Variants in CADPS observed in about 807,000 individuals in gnomAD.
The protein encoded by CADPS is calcium dependent secretion activator, also known as calcium-dependent secretion activator 1.
Under a neutral mutation model 167.3 loss-of-function variants are expected in CADPS, and 57 were observed. The ratio of observed to expected loss-of-function variants is 0.34; its 90% CI spans 0.28 to 0.42. CADPS has a LOEUF of 0.42. Ranked by LOEUF, CADPS falls within the 20% of genes least tolerant of loss-of-function variation. The pLI is 1.00. For missense variants in CADPS, 1,414 were observed against 1,738.1 expected (o/e 0.81, Z 3.32); for synonymous variants, 676 against 635.3 (o/e 1.06, Z -0.96).
chr3:62,831,044 C>T (rs1445426316), intron 1 of CADPS, among the ~76,000 whole-genome samples: 3 of 152,004 alleles, frequency 2.0e-5, no homozygotes, highest in Admixed American at 6.6e-5. Context: ...AGATTATAAC[C>T]CAGGAAATTT....
At chr3:62,567,818 G>A (rs962915309) in intron 9 of CADPS, among the ~76,000 whole-genome samples, 4 of 151,828 alleles carry the variant, frequency 2.6e-5, no homozygotes, top group South Asian at 4.2e-4. Flanking sequence ...CATGTGATCC[G>A]CCCTCCTCAG....
intron 21 of CADPS, among the ~76,000 whole-genome samples, chr3:62,490,759 C>G (rs2063561957): frequency 6.6e-6 from 1 of 152,122 alleles, no homozygotes; most frequent in South Asian, 2.1e-4. Flanking sequence ...AAAGGTGCAT[C>G]TAAAAGGCCT....
At chr3:62,457,049 T>G (rs528175800) in intron 26 of CADPS, among the ~76,000 whole-genome samples, 20 of 152,246 alleles carry the variant, frequency 1.3e-4, no homozygotes, top group African/African-American at 4.3e-4. Flanking sequence ...ATTTTTTTTT[T>G]AAACCTATCT....
chr3:62,405,722 C>G (rs1708241951), intron 28 of CADPS, among the ~76,000 whole-genome samples: 1 of 152,048 alleles, frequency 6.6e-6, no homozygotes, highest in South Asian at 2.1e-4. Flanking sequence ...TCACATCTAG[C>G]AAAAGAAGTG....
At chr3:62,404,236 G>C (rs1414877724) in intron 28 of CADPS, 4 of 152,552 alleles carry the variant, frequency 2.6e-5, no homozygotes, top group African/African-American at 9.7e-5. Flanking sequence ...ATGCAAAAAA[G>C]AAAGAAATGG....
chr3:62,537,018 A>G lies in CADPS; in HGVS notation c.1967-437T>C, dbSNP rs61389566. On this transcript the variant is annotated intron_variant, in intron 11 of 29. Transcript: ENST00000383710. ...TCTGCAATTATTGGGATTATCTGGAAAAAGGGTTATGCTGATTTTCAGCAA... is the reference window on the plus strand; with the variant it reads ...TCTGCAATTATTGGGATTATCTGGAGAAAGGGTTATGCTGATTTTCAGCAA... Among the ~76,000 whole-genome samples, 1,369 of 152,270 alleles carry G rather than the reference A, an allele frequency of 9.0e-3. 22 individuals are homozygous for G. Among genetic ancestry groups the G allele is most frequent in the African/African-American group, 0.031 (1,305 of 41,556 alleles).
intron 3 of CADPS, among the ~76,000 whole-genome samples, chr3:62,678,815 A>T (rs938104): frequency 0.98 from 149,716 of 152,088 alleles, 73,725 homozygotes; most frequent in Middle Eastern, 1. Context: ...AGACATAAAT[A>T]TTGGTGGAAC....
intron 3 of CADPS, among the ~76,000 whole-genome samples, chr3:62,687,752 T>G (rs2078336284): frequency 1.6e-5 from 2 of 128,854 alleles, no homozygotes. Flanking sequence ...TTTTTTTTTT[T>G]GCTTCTATCT....
At chr3:62,660,342 G>C (rs148890916) in intron 4 of CADPS, among the ~76,000 whole-genome samples, 1 of 152,250 alleles carries the variant, frequency 6.6e-6, no homozygotes, top group Non-Finnish European at 1.5e-5. Flanking sequence ...TAATCCACCA[G>C]TAGGAAACAT....
intron 3 of CADPS, among the ~76,000 whole-genome samples, chr3:62,730,473 A>G (rs1409665831): frequency 6.6e-6 from 1 of 151,992 alleles, no homozygotes; most frequent in Admixed American, 6.6e-5. Context: ...TCCTCACCCT[A>G]TCTCACTTCC....
intron 1 of CADPS, chr3:62,779,857 A>G (rs2091210079): frequency 4.3e-6 from 1 of 232,364 alleles, no homozygotes; most frequent in African/African-American, 2.3e-5. Context: ...ACTGGGAGAC[A>G]GTAGATGGTA....
At chr3:62,657,607 AG>A (rs1419552049) in intron 4 of CADPS, among the ~76,000 whole-genome samples, 2 of 152,224 alleles carry the variant, frequency 1.3e-5, no homozygotes, top group African/African-American at 4.8e-5. Flanking sequence ...CTTTTCTACC[AG>A]ATTTTAAAAA....
At chr3:62,576,792 A>T (rs1193505187) in intron 8 of CADPS, among the ~76,000 whole-genome samples, 5 of 145,864 alleles carry the variant, frequency 3.4e-5, no homozygotes, top group African/African-American at 7.5e-5. Flanking sequence ...TCTGTCTAAA[A>T]AAAAAAAAAA....
intron 29 of CADPS, among the ~76,000 whole-genome samples, chr3:62,401,931 T>C (rs540095973): frequency 1.3e-5 from 2 of 152,320 alleles, no homozygotes; most frequent in East Asian, 1.9e-4. Context: ...CCAAAGTGCA[T>C]TTATGCACAG....
chr3:62,724,206 C>A (rs574787918), intron 3 of CADPS, among the ~76,000 whole-genome samples: 1 of 152,176 alleles, frequency 6.6e-6, no homozygotes, highest in African/African-American at 2.4e-5. Context: ...TCACCATGGG[C>A]TCTTTGGAGA....
At chr3:62,468,213 A>G (rs1323677837) in intron 24 of CADPS, among the ~76,000 whole-genome samples, 1 of 152,186 alleles carries the variant, frequency 6.6e-6, no homozygotes, top group Non-Finnish European at 1.5e-5. Context: ...AGGGCTCCAA[A>G]TTCATTTTTA....
intron 6 of CADPS, among the ~76,000 whole-genome samples, chr3:62,634,078 C>T (rs762025418): frequency 2.0e-5 from 3 of 152,110 alleles, no homozygotes; most frequent in Non-Finnish European, 2.9e-5. Context: ...ACATTGACAG[C>T]GGGTTGTTAA....
intron 3 of CADPS, among the ~76,000 whole-genome samples, chr3:62,712,253 T>C (rs1038346333): frequency 6.6e-6 from 1 of 152,216 alleles, no homozygotes; most frequent in Admixed American, 6.5e-5. Flanking sequence ...TATTTTTTAA[T>C]TTAATTTTGA....
chr3:62,655,993 C>T (rs1483107128), intron 4 of CADPS, among the ~76,000 whole-genome samples: 6 of 152,136 alleles, frequency 3.9e-5, no homozygotes, highest in Admixed American at 1.3e-4. Context: ...GACAGTGAAA[C>T]GGACTCGACC....
Sources: allele counts gnomAD v4.1 joint callset (sites outside exome capture counted in the v4.1 genomes callset), GRCh38; gene constraint gnomAD v4.1.1; transcripts MANE v1.5; gene names NCBI Gene and HGNC (gene_info 2026-07-23, HGNC 2026-07-21).